The following ING4 variants were observed in gnomAD, a reference collection of about 807,000 sequenced individuals.
ING4 encodes inhibitor of growth protein 4.
A neutral mutation model predicts 33.1 loss-of-function variants in ING4; 28 were observed. That is an observed-to-expected ratio of 0.85 (90% CI 0.63 to 1.16). The LOEUF (loss-of-function observed/expected upper bound fraction) is 1.16, where lower values mean the gene tolerates loss of function less well. Among genes scored for constraint, ING4 ranks in the 50% most tolerant of loss-of-function variants. The pLI, the probability that ING4 is intolerant of heterozygous loss-of-function variation, is 0.00. For synonymous variants in ING4, 87 were observed against 104.4 expected (o/e 0.83, Z 1.02); for missense variants, 247 against 314.7 (o/e 0.78, Z 1.63).
At chr12:6,652,833 TCC>T in intron 4 of ING4, 66 bp from the exon 5 acceptor site, 1 of 1,568,032 alleles carries the variant, frequency 6.4e-7, no homozygotes, top group Non-Finnish European at 8.8e-7. Flanking sequence ...TCCTCTTCTC[TCC>T]CCCTTTCCAA....
intron 2 of ING4, among the ~76,000 whole-genome samples, chr12:6,655,431 T>G (rs1214823538): frequency 6.6e-6 from 1 of 152,234 alleles, no homozygotes; most frequent in Non-Finnish European, 1.5e-5. Context: ...CTCATAAATA[T>G]GTCAGTAGTA....
chr12:6,661,248 C>T (rs145758074), intron 1 of ING4, among the ~76,000 whole-genome samples: 251 of 151,560 alleles, frequency 1.7e-3, no homozygotes, highest in African/African-American at 5.9e-3. Flanking sequence ...CAGGGGCACA[C>T]CACCACACCT....
In ING4 at chr12:6,655,870, C is replaced by T. The variant is rs1168508468; in HGVS notation, c.109+857G>A. ...AACCAAGTGAATGCCCCAATGCAGC[C>T]AAATTTGCTCAATGTTCCAGGCTGG... On this transcript the variant is annotated intron_variant, in intron 2 of 7. Coordinates refer to ENST00000341550, the MANE Select transcript of ING4 (RefSeq NM_016162.4). 3 of 456,230 alleles carry T rather than the reference C, an allele frequency of 6.6e-6. No homozygotes were observed. The Admixed American group carries it at 7.0e-5, about 11-fold the overall frequency. The allele number at this position is 456,230 out of a possible 1,614,324, so 28.3% of individuals were successfully genotyped here.
At chr12:6,659,761 C>T (rs1405185836) in intron 1 of ING4, among the ~76,000 whole-genome samples, 2 of 146,854 alleles carry the variant, frequency 1.4e-5, no homozygotes, top group Non-Finnish European at 1.5e-5. Flanking sequence ...TTCAGTGAGC[C>T]GAGATCGCTC....
intron 6 of ING4, among the ~76,000 whole-genome samples, chr12:6,651,848 C>CTTTTTTT (rs1029172811): frequency 1.7e-5 from 2 of 114,828 alleles, no homozygotes; most frequent in Non-Finnish European, 3.6e-5. Flanking sequence ...GGCTTTCAGG[C>CTTTTTTT]TTTTTTTTTT....
Position 6,663,074 on chromosome 12 carries a change from A to G in ING4, c.28T>C (p.Tyr10His). 1 of 1,614,098 alleles carries G rather than the reference A, an allele frequency of 6.2e-7. No homozygotes were observed. The highest frequency in any genetic ancestry group is 8.5e-7 in the Non-Finnish European group (1 of 1,180,016). The change falls in exon 1 of 8, where the codon TAT (tyrosine) becomes CAT (histidine). Residue 10 changes from tyrosine to histidine, a missense_variant. Tyr to His is a moderately conservative substitution (Grantham distance 83). Coordinates refer to ENST00000341550, the MANE Select transcript of ING4 (RefSeq NM_016162.4). MAAGMYLEH[Y>H]LDSIENLPFE... ...TCCAGCCTGCTCTTACTGTCCAGAT[A>G]ATGTTCCAAATACATCCCCGCAGCC... is the stretch of plus-strand genomic sequence containing the variant.
chr12:6,661,849 C>G (rs1206454911), intron 1 of ING4, among the ~76,000 whole-genome samples: 1 of 152,170 alleles, frequency 6.6e-6, no homozygotes, highest in Non-Finnish European at 1.5e-5. Context: ...TCCCTAAAAT[C>G]AGGTTCTTAT....
At chr12:6,656,576 T>C (rs1401737425) in intron 2 of ING4, 151 bp downstream of exon 2, 2 of 612,934 alleles carry the variant, frequency 3.3e-6, no homozygotes, top group Admixed American at 6.9e-5. Flanking sequence ...ATGAGGATCA[T>C]TATCCTGTTT....
intron 2 of ING4, among the ~76,000 whole-genome samples, chr12:6,654,038 C>T (rs933136810): frequency 8.6e-5 from 13 of 151,956 alleles, no homozygotes; most frequent in Admixed American, 6.6e-4. Flanking sequence ...GCTTTTTCCA[C>T]GTTACCCAGG....
chr12:6,656,680 G>T, intron 2 of ING4, 47 bp downstream of exon 2: 2 of 1,052,724 alleles, frequency 1.9e-6, no homozygotes, highest in Non-Finnish European at 2.8e-6. Flanking sequence ...AAAAATAAAT[G>T]ATTACACACA....
chr12:6,654,420 A>G (rs1272675948), intron 2 of ING4, among the ~76,000 whole-genome samples: 1 of 151,080 alleles, frequency 6.6e-6, no homozygotes, highest in Non-Finnish European at 1.5e-5. Context: ...CTGCAGCCTC[A>G]ACCTCTGAGC....
intron 2 of ING4, chr12:6,655,982 T>C (rs1949339744): frequency 4.4e-6 from 2 of 450,934 alleles, no homozygotes; most frequent in Admixed American, 2.4e-5. Flanking sequence ...CTTTCTTTTT[T>C]CTTTCTCTTT....
In ING4 at chr12:6,656,610, A is replaced by G. The variant is rs1592325220; in HGVS notation, c.109+117T>C. 10 of 678,686 alleles carry G rather than the reference A, an allele frequency of 1.5e-5. No individual in the cohort carries two copies. In the East Asian group the frequency reaches 3.0e-4, roughly 20 times the overall value. 42.0% of individuals were successfully genotyped at this position (678,686 alleles called of 1,614,324 possible). A position where few individuals can be genotyped will look rare whatever the true frequency, so the allele number is the denominator to read the frequency against. The stretch of plus-strand genomic sequence containing the variant: ...TTTAAGAATTCCAAGAGCGTAAAAA[A>G]GGAGCGAGAGAAGCCACAGTTCTCC... On this transcript the variant is annotated intron_variant, in intron 2 of 7. Coordinates refer to ENST00000341550, the MANE Select transcript of ING4 (RefSeq NM_016162.4).
chr12:6,652,922 C>G lies in ING4; in HGVS notation c.391+14G>C. 6.2e-7 allele frequency: 1 copy of G among 1,604,546 alleles called. No homozygotes were observed. The highest frequency in any genetic ancestry group is 1.1e-5 in the South Asian group (1 of 90,880). Reference sequence around the variant, plus strand: ...GTCCTCGCCCCACCTCTCACAGCCCCGCCCCCTCCTCACTCTTTTTGCCTT... The same window carrying G: ...GTCCTCGCCCCACCTCTCACAGCCCGGCCCCCTCCTCACTCTTTTTGCCTT... On this transcript the variant is annotated intron_variant, in intron 4 of 7. Transcript: ENST00000341550.
intron 1 of ING4, among the ~76,000 whole-genome samples, chr12:6,662,398 C>G (rs988805070): frequency 1.3e-5 from 2 of 152,182 alleles, no homozygotes; most frequent in Admixed American, 1.3e-4. Context: ...GGAGCCTTGT[C>G]TTACTCATTT....
At position 6,652,414 on chromosome 12, in the gene ING4, G is replaced by C. The variant is rs772019749; in HGVS notation, c.502C>G (p.Pro168Ala). The C allele has an allele frequency of 4.2e-5, 67 of 1,613,722 alleles. No homozygotes were observed. Among genetic ancestry groups the C allele is most frequent in the Admixed American group, 1.0e-4 (6 of 59,932 alleles). ...GTCACTGAGGGCATCCCATACTCAG[G>C]ACTTCTGCATGCCAAGAGGAAGAGA... Reference protein sequence around the residue: ...QKKLKLVRTSPEYGMPSVTFG... With the variant: ...QKKLKLVRTSAEYGMPSVTFG... The change falls in exon 6 of 8, where the codon CCT becomes GCT. Residue 168 changes from proline to alanine, a missense_variant. Pro to Ala is a conservative substitution (Grantham distance 27). Coordinates refer to ENST00000341550, the MANE Select transcript of ING4 (RefSeq NM_016162.4).
At chr12:6,652,448 T>C in intron 5 of ING4, 30 bp from the exon 6 acceptor site, 1 of 1,610,152 alleles carries the variant, frequency 6.2e-7, no homozygotes, top group Non-Finnish European at 8.5e-7. Flanking sequence ...GAAAGTGTCA[T>C]CTACAGGAAG....
chr12:6,652,907 C>T, intron 4 of ING4, 29 bp downstream of exon 4: 2 of 1,591,238 alleles, frequency 1.3e-6, no homozygotes, highest in Non-Finnish European at 1.7e-6. Context: ...GTCCTCGCCC[C>T]ACCTCTCACA....
chr12:6,653,171 G>C (rs1949239190), intron 3 of ING4, 59 bp downstream of exon 3: 2 of 1,602,888 alleles, frequency 1.2e-6, no homozygotes, highest in Non-Finnish European at 1.7e-6. Context: ...TTGAAGGAGG[G>C]GTCTAAGACC....
Sources: allele counts gnomAD v4.1 joint callset (sites outside exome capture counted in the v4.1 genomes callset), GRCh38; gene constraint gnomAD v4.1.1; transcripts MANE v1.5; gene names NCBI Gene and HGNC (gene_info 2026-07-23, HGNC 2026-07-21).